The following EXOC6B variants were observed in gnomAD, a reference collection of about 807,000 sequenced individuals.
EXOC6B encodes SEC15 homolog B.
EXOC6B carries 54 observed loss-of-function variants against 113.5 expected under a neutral mutation model. The observed-to-expected ratio is 0.48, with a 90% CI of 0.38 to 0.60. The LOEUF is 0.60. Ranked by LOEUF, EXOC6B falls within the 20% of genes least tolerant of loss-of-function variation. EXOC6B has a pLI of 0.00. For synonymous variants in EXOC6B, 357 were observed against 339.0 expected (o/e 1.05, Z -0.58); for missense variants, 797 against 977.5 (o/e 0.82, Z 2.46).
At chr2:72,678,944 TA>T (rs899197826) in intron 6 of EXOC6B, among the ~76,000 whole-genome samples, 4 of 152,206 alleles carry the variant, frequency 2.6e-5, no homozygotes, top group Admixed American at 2.6e-4. Flanking sequence ...CTCTCTCCTC[TA>T]AAGTAAACAC....
intron 18 of EXOC6B, among the ~76,000 whole-genome samples, chr2:72,412,352 C>A (rs1483060169): frequency 6.6e-6 from 1 of 152,134 alleles, no homozygotes; most frequent in Admixed American, 6.6e-5. Flanking sequence ...GTTAGGGGAT[C>A]AAAGATCACT....
intron 6 of EXOC6B, among the ~76,000 whole-genome samples, chr2:72,596,276 TAG>T (rs559961115): frequency 1.3e-5 from 2 of 152,072 alleles, no homozygotes; most frequent in African/African-American, 4.8e-5. Context: ...CCCAGAAAAT[TAG>T]AGAGACAGGT....
At chr2:72,609,040 C>A (rs1573479775) in intron 6 of EXOC6B, among the ~76,000 whole-genome samples, 1 of 152,050 alleles carries the variant, frequency 6.6e-6, no homozygotes, top group Admixed American at 6.6e-5. Flanking sequence ...TTATTCTCAC[C>A]TTCCAATTAC....
intron 1 of EXOC6B, among the ~76,000 whole-genome samples, chr2:72,765,691 A>T (rs1683018164): frequency 1.3e-5 from 2 of 152,142 alleles, no homozygotes. Flanking sequence ...AAAAACAAAA[A>T]CAAAAAACAG....
intron 20 of EXOC6B, among the ~76,000 whole-genome samples, chr2:72,221,761 T>G (rs1189618366): frequency 6.6e-6 from 1 of 152,162 alleles, no homozygotes; most frequent in East Asian, 1.9e-4. Context: ...AACTTTTAAA[T>G]TACCCAGGGG....
intron 18 of EXOC6B, among the ~76,000 whole-genome samples, chr2:72,401,510 T>TAC (rs1207706982): frequency 2.4e-5 from 1 of 41,748 alleles, no homozygotes; most frequent in African/African-American, 4.9e-4. Context: ...TATATATATA[T>TAC]ATATACATAT....
At chr2:72,766,657 A>G (rs1033227440) in intron 1 of EXOC6B, among the ~76,000 whole-genome samples, 2 of 152,134 alleles carry the variant, frequency 1.3e-5, no homozygotes, top group Admixed American at 6.5e-5. Flanking sequence ...AGTCAATTGA[A>G]AAAATCCACA....
chr2:72,722,108 T>C (rs1425110666), intron 5 of EXOC6B: 1 of 151,386 alleles, frequency 6.6e-6, no homozygotes, highest in African/African-American at 2.4e-5. Context: ...ATGAGATATA[T>C]ATCACTGGAA....
At chr2:72,424,017 A>G (rs1406203877) in intron 18 of EXOC6B, among the ~76,000 whole-genome samples, 5 of 152,248 alleles carry the variant, frequency 3.3e-5, no homozygotes, top group Admixed American at 2.0e-4. Flanking sequence ...GATGATTCTC[A>G]TCAATATTGT....
At chr2:72,413,695 AAAAAAAG>A (rs1209698855) in intron 18 of EXOC6B, among the ~76,000 whole-genome samples, 5 of 114,384 alleles carry the variant, frequency 4.4e-5, no homozygotes, top group Non-Finnish European at 7.4e-5. Context: ...AAAGAAAAAA[AAAAAAAG>A]AAAAAAGAAA....
chr2:72,501,301 G>A (rs1446613453), intron 11 of EXOC6B, among the ~76,000 whole-genome samples: 1 of 152,052 alleles, frequency 6.6e-6, no homozygotes, highest in Non-Finnish European at 1.5e-5. Flanking sequence ...GGAGCTAGTT[G>A]TTTAAAGAGC....
At chr2:72,555,090 CT>C (rs1175650905) in intron 8 of EXOC6B, among the ~76,000 whole-genome samples, 3 of 152,160 alleles carry the variant, frequency 2.0e-5, no homozygotes, top group Non-Finnish European at 4.4e-5. Context: ...TGAACTCATG[CT>C]TTTTTATGGC....
At chr2:72,548,922 T>C (rs1453742737) in intron 8 of EXOC6B, among the ~76,000 whole-genome samples, 1 of 151,676 alleles carries the variant, frequency 6.6e-6, no homozygotes, top group Admixed American at 6.6e-5. Flanking sequence ...AAAAAATAAA[T>C]AAGTGTGTGA....
chr2:72,224,111 T>C (rs1218680432), intron 20 of EXOC6B, among the ~76,000 whole-genome samples: 2 of 152,316 alleles, frequency 1.3e-5, no homozygotes, highest in East Asian at 1.9e-4. Context: ...TAAAAGGTAT[T>C]AGAAATGTAT....
At chr2:72,236,141 G>T (rs1334122114) in intron 20 of EXOC6B, among the ~76,000 whole-genome samples, 7 of 152,136 alleles carry the variant, frequency 4.6e-5, no homozygotes, top group Non-Finnish European at 1.0e-4. Context: ...AACTGAGAAG[G>T]TTCCTCTCCT....
intron 20 of EXOC6B, among the ~76,000 whole-genome samples, chr2:72,294,243 G>C (rs1217622534): frequency 1.3e-5 from 2 of 151,854 alleles, no homozygotes; most frequent in Non-Finnish European, 1.5e-5. Context: ...GGTTTGTATG[G>C]GGAGGCCTAA....
At chr2:72,504,373 T>C (rs986069983) in intron 11 of EXOC6B, among the ~76,000 whole-genome samples, 8 of 152,230 alleles carry the variant, frequency 5.3e-5, no homozygotes, top group Non-Finnish European at 1.0e-4. Context: ...CAATATTTTT[T>C]CTCTCAACAT....
intron 7 of EXOC6B, among the ~76,000 whole-genome samples, chr2:72,574,362 CTCA>C (rs1328117745): frequency 2.6e-5 from 4 of 152,122 alleles, no homozygotes; most frequent in Non-Finnish European, 4.4e-5. Context: ...CCAATGTTTT[CTCA>C]CCACCCTTTA....
At chr2:72,386,758 CTA>C (rs1692052386) in intron 18 of EXOC6B, among the ~76,000 whole-genome samples, 1 of 152,186 alleles carries the variant, frequency 6.6e-6, no homozygotes, top group Non-Finnish European at 1.5e-5. Context: ...ATACGGGAAA[CTA>C]TGTGAGATGA....
Sources: allele counts gnomAD v4.1 joint callset (sites outside exome capture counted in the v4.1 genomes callset), GRCh38; gene constraint gnomAD v4.1.1; transcripts MANE v1.5; gene names NCBI Gene and HGNC (gene_info 2026-07-23, HGNC 2026-07-21).